USP40: variants seen among roughly 807,000 people sequenced by gnomAD.
USP40 encodes the protein ubiquitin specific peptidase 40.
In USP40, 143 loss-of-function variants were observed where a neutral mutation model predicts 166.2. That is an observed-to-expected ratio of 0.86 (90% CI 0.75 to 0.99). The LOEUF is 0.99. Ranked by LOEUF, USP40 falls within the 50% of genes least tolerant of loss-of-function variation. The pLI is 0.00. For synonymous variants in USP40, 498 were observed against 524.0 expected (o/e 0.95, Z 0.68); for missense variants, 1,444 against 1,479.7 (o/e 0.98, Z 0.40).
At chr2:233,507,644 C>T (rs573608000) in intron 21 of USP40, among the ~76,000 whole-genome samples, 5 of 149,056 alleles carry the variant, frequency 3.4e-5, no homozygotes, top group African/African-American at 1.2e-4. Context: ...GAGTTGACAT[C>T]GTAGAAGCAG....
intron 7 of USP40, 21 bp downstream of exon 7, chr2:233,551,355 T>A (rs774118170): frequency 6.4e-7 from 1 of 1,568,076 alleles, no homozygotes; most frequent in Non-Finnish European, 8.6e-7. Flanking sequence ...AGAAAGAATT[T>A]AAAAATAAAA....
At chr2:233,494,979 T>TATATATAC (rs1197969295) in intron 24 of USP40, among the ~76,000 whole-genome samples, 47 of 74,902 alleles carry the variant, frequency 6.3e-4, no homozygotes, top group African/African-American at 2.8e-3. Flanking sequence ...TATATATATA[T>TATATATAC]ACACACACAT....
At chr2:233,547,249 A>C (rs1291130271) in intron 8 of USP40, among the ~76,000 whole-genome samples, 15 of 152,226 alleles carry the variant, frequency 9.9e-5, no homozygotes, top group Admixed American at 9.8e-4. Context: ...ATTTCAATAC[A>C]TCAGCCACAA....
At chr2:233,494,915 C>CAT (rs1169787200) in intron 24 of USP40, among the ~76,000 whole-genome samples, 14 of 11,364 alleles carry the variant, frequency 1.2e-3, no homozygotes, top group Non-Finnish European at 2.2e-3. Context: ...AGCAAAATGG[C>CAT]ATATATATAT....
chr2:233,565,221 C>A (rs988562931), intron 2 of USP40, 135 bp downstream of exon 2: 3 of 707,478 alleles, frequency 4.2e-6, no homozygotes, highest in East Asian at 5.5e-5. Context: ...CAATTTATAT[C>A]TTATATGTGC....
intron 30 of USP40, 86 bp downstream of exon 30, chr2:233,485,445 T>A: frequency 9.8e-7 from 1 of 1,023,394 alleles, no homozygotes; most frequent in Non-Finnish European, 1.5e-6. Context: ...ATAATCTGTG[T>A]CTTGAAGATT....
chr2:233,481,426 TAACTGA>T, intron 30 of USP40, 129 bp from the exon 31 acceptor site: 1 of 788,632 alleles, frequency 1.3e-6, no homozygotes, highest in Non-Finnish European at 2.0e-6. Context: ...ACTAGGTGAA[TAACTGA>T]TTAAAAAAAA....
At chr2:233,509,243 G>T (rs1396896299) in intron 21 of USP40, among the ~76,000 whole-genome samples, 1 of 152,142 alleles carries the variant, frequency 6.6e-6, no homozygotes, top group Non-Finnish European at 1.5e-5. Flanking sequence ...AAATTCAGGA[G>T]AACAGGTTTT....
chr2:233,498,634 G>T (rs557080943), intron 22 of USP40, 22 bp from the exon 23 acceptor site: 8 of 1,606,542 alleles, frequency 5.0e-6, no homozygotes, highest in Non-Finnish European at 6.0e-6. Context: ...TCAAAATTGG[G>T]ATAAAAAAAA....
intron 4 of USP40, among the ~76,000 whole-genome samples, chr2:233,558,742 A>G (rs767801111): frequency 8.5e-5 from 13 of 152,224 alleles, no homozygotes; most frequent in Admixed American, 2.0e-4. Context: ...GTACCACTTA[A>G]AAGAGTGAAT....
intron 22 of USP40, among the ~76,000 whole-genome samples, chr2:233,499,416 G>C (rs2065934024): frequency 6.6e-6 from 1 of 152,064 alleles, no homozygotes; most frequent in Non-Finnish European, 1.5e-5. Flanking sequence ...TTACTGATGG[G>C]CATTTGGGTT....
chr2:233,557,128 G>T, intron 4 of USP40, 109 bp from the exon 5 acceptor site: 1 of 984,990 alleles, frequency 1.0e-6, no homozygotes, highest in East Asian at 2.5e-5. Flanking sequence ...GCAATCTGAA[G>T]ATCAGATATA....
chr2:233,517,818 GTGTGTGTA>G (rs2067342266), intron 18 of USP40, among the ~76,000 whole-genome samples: 3 of 150,570 alleles, frequency 2.0e-5, no homozygotes, highest in Admixed American at 1.3e-4. Flanking sequence ...GTGTGTGTGT[GTGTGTGTA>G]TGATGGAATA....
rs1227061754 is a variant in USP40, at chr2:233,496,948, C to A, written c.2716-116G>T. On this transcript the variant is annotated intron_variant, in intron 23 of 31. Transcript: ENST00000678225. Reference sequence around the variant, plus strand: ...TTCAAAAATTAAATGAATAATAAAGCAGATATGGAAGACACAGGAAATAAG... The same window carrying A: ...TTCAAAAATTAAATGAATAATAAAGAAGATATGGAAGACACAGGAAATAAG... 7.3e-6 allele frequency: 5 copies of A among 687,190 alleles called. No homozygotes were observed. The East Asian group carries it at 1.1e-4, about 15-fold the overall frequency. The allele number at this position is 687,190 out of a possible 1,614,324, so 42.6% of individuals were successfully genotyped here.
At chr2:233,479,884 G>A (rs1457649086) in intron 31 of USP40, among the ~76,000 whole-genome samples, 1 of 152,170 alleles carries the variant, frequency 6.6e-6, no homozygotes, top group African/African-American at 2.4e-5. Flanking sequence ...GGAGAGCAGA[G>A]AGGAAGGGGC....
At chr2:233,528,273 C>A (rs940479528) in intron 12 of USP40, among the ~76,000 whole-genome samples, 1 of 152,182 alleles carries the variant, frequency 6.6e-6, no homozygotes, top group African/African-American at 2.4e-5. Flanking sequence ...GCCACTGCGA[C>A]CGGCCCCATG....
intron 6 of USP40, among the ~76,000 whole-genome samples, chr2:233,552,527 GTTC>G (rs2070673507): frequency 1.3e-5 from 2 of 152,124 alleles, no homozygotes; most frequent in South Asian, 4.1e-4. Context: ...TTAGCAAAAG[GTTC>G]TTATTTTGTA....
intron 6 of USP40, among the ~76,000 whole-genome samples, 160 bp from the exon 7 acceptor site, chr2:233,551,679 T>C (rs1398017617): frequency 6.6e-6 from 1 of 152,180 alleles, no homozygotes; most frequent in East Asian, 1.9e-4. Context: ...TGTCAACTCA[T>C]CTATTTTATG....
At chr2:233,549,934 AAAT>A (rs1200600065) in intron 7 of USP40, among the ~76,000 whole-genome samples, 8 of 152,154 alleles carry the variant, frequency 5.3e-5, no homozygotes, top group African/African-American at 1.9e-4. Flanking sequence ...ATTAGAAACA[AAAT>A]AAAATAAAAA....
Sources: gnomAD v4.1 joint callset for allele counts (sites outside exome capture counted in the v4.1 genomes callset) on GRCh38, gnomAD v4.1.1 for gene constraint, MANE v1.5 for transcripts, NCBI Gene and HGNC (gene_info 2026-07-23, HGNC 2026-07-21) for gene names.